The following ANKRD45 variants were observed in gnomAD, a reference collection of about 807,000 sequenced individuals.
ANKRD45 encodes ankyrin repeat domain 45.
ANKRD45 carries 21 observed loss-of-function variants against 28.1 expected under a neutral mutation model. That is an observed-to-expected ratio of 0.75 (90% CI 0.53 to 1.08). ANKRD45 has a LOEUF of 1.08. Among genes scored for constraint, ANKRD45 ranks in the 50% least tolerant of loss-of-function variants. ANKRD45 has a pLI of 0.00. For synonymous variants in ANKRD45, 86 were observed against 103.9 expected, an observed-to-expected ratio of 0.83 and a Z score of 1.05; for missense variants, 261 against 308.7, an observed-to-expected ratio of 0.85 and a Z score of 1.16.
intron 5 of ANKRD45, among the ~76,000 whole-genome samples, chr1:173,621,282 A>G (rs1667690622): frequency 6.6e-6 from 1 of 152,190 alleles, no homozygotes; most frequent in South Asian, 2.1e-4. Context: ...TTGAAAAGGA[A>G]GGACTCCTTT....
intron 1 of ANKRD45, among the ~76,000 whole-genome samples, chr1:173,664,943 T>C (rs1669944672): frequency 6.6e-6 from 1 of 152,278 alleles, no homozygotes; most frequent in East Asian, 1.9e-4. Context: ...TGCATAATAC[T>C]GGGCAATTTA....
the ANKRD45 span, among the ~76,000 whole-genome samples, chr1:173,700,020 A>G: frequency 5.3e-5 from 8 of 152,300 alleles, no homozygotes; most frequent in African/African-American, 1.9e-4. Context: ...ATTCCTATAC[A>G]CCAATAACAG....
chr1:173,622,805 A>T (rs1015409334), intron 5 of ANKRD45, among the ~76,000 whole-genome samples: 1 of 152,192 alleles, frequency 6.6e-6, no homozygotes, highest in Admixed American at 6.5e-5. Flanking sequence ...AAATTGACAA[A>T]TAGGATCTAA....
chr1:173,614,883 A>G (rs1667391391), intron 5 of ANKRD45, among the ~76,000 whole-genome samples: 3 of 151,974 alleles, frequency 2.0e-5, no homozygotes, highest in South Asian at 2.1e-4. Context: ...GGGGCATGAT[A>G]TCAGCTCACT....
intron 3 of ANKRD45, chr1:173,635,325 T>G (rs980775098): frequency 2.0e-5 from 11 of 547,254 alleles, no homozygotes; most frequent in Non-Finnish European, 3.2e-5. Context: ...CATCACTGTA[T>G]CCTTTGCTGG....
the ANKRD45 span, among the ~76,000 whole-genome samples, chr1:173,692,983 G>A: frequency 6.6e-6 from 1 of 150,474 alleles, no homozygotes; most frequent in African/African-American, 2.4e-5. Context: ...ATATTTTAAC[G>A]TTAAAAATAT....
intron 5 of ANKRD45, among the ~76,000 whole-genome samples, chr1:173,611,463 G>A (rs1290518740): frequency 6.6e-6 from 1 of 152,024 alleles, no homozygotes; most frequent in Non-Finnish European, 1.5e-5. Flanking sequence ...ACTAGGTTAA[G>A]TGTCTTAACC....
the ANKRD45 span, among the ~76,000 whole-genome samples, chr1:173,688,547 C>T: frequency 2.6e-3 from 208 of 81,102 alleles, 39 homozygotes; most frequent in African/African-American, 0.013. Context: ...CCTCTCTCTC[C>T]CTCTCTGCCT....
chr1:173,640,569 T>C (rs1668655113), intron 3 of ANKRD45, among the ~76,000 whole-genome samples: 1 of 152,216 alleles, frequency 6.6e-6, no homozygotes, highest in Non-Finnish European at 1.5e-5. Context: ...CCTTTCCTTA[T>C]TCTGTTACTA....
chr1:173,702,101 G>C, the ANKRD45 span, among the ~76,000 whole-genome samples: 1 of 152,190 alleles, frequency 6.6e-6, no homozygotes. Context: ...AGAGGCAAGA[G>C]ATGTGGTTAC....
rs777286733 is a variant in ANKRD45, at chr1:173,659,234, T to C, written c.185A>G (p.His62Arg). Residue 62 changes from histidine to arginine, a missense_variant, in exon 2 of 6, where the codon CAT becomes CGT. Coordinates refer to ENST00000333279, the MANE Select transcript of ANKRD45 (RefSeq NM_198493.3). ...QKIFEDPENP[H>R]HEQAMQLLLE... is the part of the protein sequence containing the mutation. ...GAGAAGCTGCATGGCCTGTTCATGA[T>C]GAGGATTCTCAGGATCCTCAAATAT... is the stretch of plus-strand genomic sequence containing the variant. 3.2e-5 allele frequency: 52 copies of C among 1,614,052 alleles called. No individual in the cohort carries two copies. The highest frequency in any genetic ancestry group is 4.2e-5 in the Non-Finnish European group (49 of 1,180,036).
At chr1:173,646,197 C>T (rs1668912723) in intron 3 of ANKRD45, among the ~76,000 whole-genome samples, 1 of 152,108 alleles carries the variant, frequency 6.6e-6, no homozygotes, top group African/African-American at 2.4e-5. Flanking sequence ...AAAATATTAG[C>T]AAATTCAAAA....
chr1:173,696,058 C>T, the ANKRD45 span, among the ~76,000 whole-genome samples: 7 of 152,216 alleles, frequency 4.6e-5, no homozygotes, highest in East Asian at 1.4e-3. Context: ...CTCTGTGACC[C>T]ACACCCTATT....
chr1:173,646,934 T>C lies in ANKRD45; in HGVS notation c.408A>G (p.Ile136Met), dbSNP rs1236037070. The change falls in exon 3 of 6, where the codon ATA becomes ATG. Residue 136 changes from isoleucine (I) to methionine (M), a missense_variant. Physicochemically the swap from Ile to Met is conservative, Grantham distance 10 (BLOSUM62 1). Coordinates refer to ENST00000333279, the MANE Select transcript of ANKRD45 (RefSeq NM_198493.3). Reference sequence around the variant, plus strand: ...TTTCTTCCCGGAAGTTCAAAGCTTCTATATCAACATCCAGTTCTACCAGTG... The same window carrying C: ...TTTCTTCCCGGAAGTTCAAAGCTTCCATATCAACATCCAGTTCTACCAGTG... ...LKALVELDVD[I>M]EALNFREERA... 2 of 1,614,036 alleles carry C rather than the reference T, an allele frequency of 1.2e-6. No individual in the cohort carries two copies. The highest frequency in any genetic ancestry group is 1.7e-5 in the Admixed American group (1 of 60,002).
chr1:173,686,176 T>G, the ANKRD45 span, among the ~76,000 whole-genome samples: 2 of 152,206 alleles, frequency 1.3e-5, no homozygotes, highest in Non-Finnish European at 2.9e-5. Flanking sequence ...CATCTTTGAC[T>G]TGGCAAATCC....
the ANKRD45 span, among the ~76,000 whole-genome samples, chr1:173,692,946 C>T: frequency 6.6e-6 from 1 of 152,116 alleles, no homozygotes; most frequent in Non-Finnish European, 1.5e-5. Flanking sequence ...ATGATAGTGA[C>T]AGCCCTGGCT....
At chr1:173,687,588 A>G in the ANKRD45 span, among the ~76,000 whole-genome samples, 1 of 151,972 alleles carries the variant, frequency 6.6e-6, no homozygotes, top group Admixed American at 6.6e-5. Context: ...ACTTTTAGCA[A>G]ACTTTACTTT....
chr1:173,624,347 G>C (rs775772186), intron 5 of ANKRD45, among the ~76,000 whole-genome samples: 1 of 151,782 alleles, frequency 6.6e-6, no homozygotes, highest in Non-Finnish European at 1.5e-5. Flanking sequence ...TTAAAAATTG[G>C]CCAAGCATGG....
the ANKRD45 span, among the ~76,000 whole-genome samples, chr1:173,681,136 TA>T: frequency 2.6e-5 from 4 of 151,690 alleles, no homozygotes; most frequent in Non-Finnish European, 4.4e-5. Flanking sequence ...ATAATTTTTT[TA>T]AAAAAAAGGT....
Sources: allele counts gnomAD v4.1 joint callset (sites outside exome capture counted in the v4.1 genomes callset), GRCh38; gene constraint gnomAD v4.1.1; transcripts MANE v1.5; gene names NCBI Gene and HGNC (gene_info 2026-07-23, HGNC 2026-07-21).